ADAM8: variants seen among roughly 807,000 people sequenced by gnomAD.
The protein encoded by ADAM8 is ADAM metallopeptidase domain 8, also known as disintegrin and metalloproteinase domain-containing protein 8.
A neutral mutation model predicts 102.4 loss-of-function variants in ADAM8; 104 were observed. The observed-to-expected ratio is 1.02, with a 90% confidence interval of 0.87 to 1.20. The LOEUF (loss-of-function observed/expected upper bound fraction) is 1.20. Ranked by LOEUF, ADAM8 falls within the 50% of genes most tolerant of loss-of-function variation. The probability of loss-of-function intolerance (pLI) is 0.00; values close to 1 mark genes in which losing one functional copy is unlikely to be tolerated. For missense variants in ADAM8, 1,132 were observed against 1,159.0 expected (o/e 0.98, Z 0.34); for synonymous variants, 517 against 485.2 (o/e 1.07, Z -0.86).
At chr10:133,264,307 C>T (rs1372682225) in intron 21 of ADAM8, among the ~76,000 whole-genome samples, 3 of 152,136 alleles carry the variant, frequency 2.0e-5, no homozygotes, top group South Asian at 2.1e-4. Flanking sequence ...GTGATCCTCC[C>T]GCCCCAGCCT....
intron 8 of ADAM8, 52 bp downstream of exon 8, chr10:133,272,746 C>G (rs934102621): frequency 1.5e-5 from 23 of 1,562,782 alleles, no homozygotes; most frequent in South Asian, 7.0e-5. Flanking sequence ...CAACACCCCC[C>G]CCACCTCCCG....
chr10:133,274,315 A>G, intron 2 of ADAM8, 80 bp from the exon 3 acceptor site: 1 of 1,307,312 alleles, frequency 7.6e-7, no homozygotes, highest in East Asian at 2.7e-5. Context: ...AGAGAAGCTC[A>G]GCTGGGGGGG....
At position 133,262,431 on chromosome 10, in the gene ADAM8, A is replaced by G. The variant is rs1281062568; in HGVS notation, c.*725T>C. ...AACAAGAATCTACAGAACTCGGTCAATAATTTATTAGTAAAATATACATTT... is the reference window on the plus strand; with the variant it reads ...AACAAGAATCTACAGAACTCGGTCAGTAATTTATTAGTAAAATATACATTT... On this transcript the variant is annotated 3_prime_UTR_variant, in exon 23 of 23. Coordinates refer to ENST00000445355, the MANE Select transcript of ADAM8 (RefSeq NM_001109.5). 1 of 152,256 alleles carries G rather than the reference A, an allele frequency of 6.6e-6. No homozygotes were observed. Among genetic ancestry groups the G allele is most frequent in the African/African-American group, 2.4e-5 (1 of 41,464 alleles). The allele number at this position is 152,256 out of a possible 1,614,324, so 9.4% of individuals were successfully genotyped here.
intron 19 of ADAM8, 48 bp from the exon 20 acceptor site, chr10:133,268,166 C>CTT (rs1349756360): frequency 8.0e-7 from 1 of 1,244,820 alleles, no homozygotes; most frequent in Non-Finnish European, 1.0e-6. Context: ...CCATGGGGCC[C>CTT]CAGCACCACA....
At position 133,271,882 on chromosome 10, in the gene ADAM8, G is replaced by A. The variant is rs1269981461; in HGVS notation, c.1030C>T (p.His344Tyr). The A allele has an allele frequency of 6.2e-7, 1 of 1,612,622 alleles. No homozygotes were observed. The highest frequency in any genetic ancestry group is 1.3e-5 in the African/African-American group (1 of 74,948). Residue 344 changes from histidine to tyrosine, a missense_variant, in exon 11 of 23, where the codon CAT becomes TAT. Coordinates refer to ENST00000445355, the MANE Select transcript of ADAM8 (RefSeq NM_001109.5). The stretch of plus-strand genomic sequence containing the variant: ...CGGCAGCCCTGGACGTTCTCATCAT[G>A]GTCCATGCCCAGGTTGTGGCCCATC... The part of the protein sequence containing the change: ...HEMGHNLGMD[H>Y]DENVQGCRCQ...
chr10:133,269,762 C>T, intron 17 of ADAM8, 135 bp downstream of exon 17: 1 of 1,113,538 alleles, frequency 9.0e-7, no homozygotes, highest in Non-Finnish European at 1.3e-6. Flanking sequence ...ACAGGGGCTC[C>T]ACAGAGACCC....
Position 133,268,845 on chromosome 10 carries a change from CG to C in ADAM8, c.1965del (p.Val656SerfsTer31). ...TEVHAASGSL[P>X]VFVVVVLVLL... The stretch of plus-strand genomic sequence containing the variant: ...AGCACCAGAACCACCACCACGAAGA[CG>C]GGGAGGCTCCCGGACGCTGTGGGAC... On this transcript the variant is annotated frameshift_variant, in exon 19 of 23. Coordinates refer to ENST00000445355, the MANE Select transcript of ADAM8 (RefSeq NM_001109.5). LOFTEE classifies it high-confidence loss of function. The C allele has an allele frequency of 6.2e-7, 1 of 1,607,650 alleles. No homozygotes were observed.
intron 1 of ADAM8, 104 bp from the exon 2 acceptor site, chr10:133,275,691 C>T (rs1846726970): frequency 1.6e-6 from 1 of 608,518 alleles, no homozygotes. Flanking sequence ...CTTGACCCTC[C>T]CCTGGGGAAC....
At chr10:133,275,340 A>G in intron 2 of ADAM8, 144 bp downstream of exon 2, 1 of 610,732 alleles carries the variant, frequency 1.6e-6, no homozygotes, top group Non-Finnish European at 2.8e-6. Flanking sequence ...GGAGGAACGG[A>G]GATGGGCCCC....
At position 133,271,523 on chromosome 10, in the gene ADAM8, C is replaced by A. The variant is rs1205665913; in HGVS notation, c.1284+5G>T. Reference sequence around the variant, plus strand: ...GACGGGAGCAGGTATGGGGCATGGACGCACCTCGGGGGGGCCGCAGTCGCA... The same window carrying A: ...GACGGGAGCAGGTATGGGGCATGGAAGCACCTCGGGGGGGCCGCAGTCGCA... On this transcript the variant is annotated splice_donor_5th_base_variant and intron_variant, in intron 12 of 22. Coordinates refer to ENST00000445355, the MANE Select transcript of ADAM8 (RefSeq NM_001109.5). 2.6e-6 allele frequency: 4 copies of A among 1,550,984 alleles called. No individual in the cohort carries two copies. Among genetic ancestry groups the A allele is most frequent in the Non-Finnish European group, 3.5e-6 (4 of 1,147,174 alleles).
intron 5 of ADAM8, 108 bp from the exon 6 acceptor site, chr10:133,273,551 C>A: frequency 7.4e-7 from 1 of 1,355,192 alleles, no homozygotes; most frequent in African/African-American, 1.5e-5. Flanking sequence ...TACCCTGCCA[C>A]CAGCAGCCCC....
rs1248663237 is a variant in ADAM8 at position 133,271,570 on chromosome 10, C to T, written c.1242G>A (p.Leu414=). The change falls in exon 12 of 23, where the codon CTG becomes CTA. Residue 414 remains leucine, a synonymous_variant. Coordinates refer to ENST00000445355, the MANE Select transcript of ADAM8 (RefSeq NM_001109.5). Reference sequence around the variant, plus strand: ...CGCACTGCTCCCCACGCTCCACAAACAGGTTCCCACACACGGGGCCGCCCA... The same window carrying T: ...CGCACTGCTCCCCACGCTCCACAAATAGGTTCCCACACACGGGGCCGCCCA... ...HLVGGPVCGN[L]FVERGEQCDC... is the part of the protein sequence containing the mutation. 2.6e-6 allele frequency: 4 copies of T among 1,560,096 alleles called. No homozygotes were observed. The highest frequency in any genetic ancestry group is 3.5e-6 in the Non-Finnish European group (4 of 1,152,202).
At chr10:133,269,369 C>T (rs1846440085) in intron 18 of ADAM8, 76 bp downstream of exon 18, 1 of 1,391,496 alleles carries the variant, frequency 7.2e-7, no homozygotes, top group South Asian at 1.5e-5. Flanking sequence ...CCCGGGCCCG[C>T]GGCTTCTGCC....
rs779446918 is a variant in ADAM8, at chr10:133,273,268, T to G, written c.559A>C (p.Arg187=). ...LLGPRTAAVF[R]PRPGDSLPSR... is the part of the protein sequence containing the mutation. The stretch of plus-strand genomic sequence containing the variant: ...AGGGTGCTCACCCCGGGCCGAGGCC[T>G]GAAGACGGCTGCCGTCCGGGGTCCC... Residue 187 remains arginine, a synonymous_variant, in exon 6 of 23, where the codon AGG becomes CGG. Transcript: ENST00000445355. 1 of 1,601,802 alleles carries G rather than the reference T, an allele frequency of 6.2e-7. No individual in the cohort carries two copies. The highest frequency in any genetic ancestry group is 1.3e-5 in the African/African-American group (1 of 74,824).
chr10:133,268,604 G>GC, intron 19 of ADAM8, 144 bp downstream of exon 19: 1 of 908,822 alleles, frequency 1.1e-6, no homozygotes, highest in Non-Finnish European at 1.6e-6. Context: ...CTCAGCCCAA[G>GC]CCGGGGGGCG....
chr10:133,273,701 C>T, intron 5 of ADAM8, 61 bp downstream of exon 5: 1 of 1,511,432 alleles, frequency 6.6e-7, no homozygotes, highest in South Asian at 1.2e-5. Flanking sequence ...CCCACCCCCA[C>T]CACAGGCTTA....
chr10:133,267,254 G>A, intron 21 of ADAM8, 98 bp downstream of exon 21: 4 of 1,346,014 alleles, frequency 3.0e-6, no homozygotes, highest in Non-Finnish European at 4.2e-6. Context: ...GGGGCCACCT[G>A]GGGATCCCTG....
intron 21 of ADAM8, 103 bp from the exon 22 acceptor site, chr10:133,263,868 C>T (rs547478181): frequency 4.7e-5 from 49 of 1,042,784 alleles, no homozygotes; most frequent in South Asian, 4.4e-4. Context: ...CCACAGACCT[C>T]GCTCTGCCCC....
chr10:133,270,474 CCCACCCTTGCACTGCAGAACG>C lies in ADAM8; in HGVS notation c.1650_1670del (p.Val551_Gly557del), dbSNP rs749054132. 1 of 1,604,268 alleles carries C rather than the reference CCCACCCTTGCACTGCAGAACG, an allele frequency of 6.2e-7. No homozygotes were observed. The highest frequency in any genetic ancestry group is 1.1e-5 in the South Asian group (1 of 90,798). ...AGATGGCACGCCCCAGGGGCTGCTG[CCCACCCTTGCACTGCAGAACG>C]CCACACATGTCAGCCCTGTGGATGG... On this transcript the variant is annotated inframe_deletion, in exon 16 of 23. Transcript: ENST00000445355.
Sources: allele counts gnomAD v4.1 joint callset (sites outside exome capture counted in the v4.1 genomes callset), GRCh38; gene constraint gnomAD v4.1.1; transcripts MANE v1.5; gene names NCBI Gene and HGNC (gene_info 2026-07-23, HGNC 2026-07-21).